Variants in BLNK observed in about 807,000 individuals in gnomAD.
The protein encoded by BLNK is B-cell linker protein.
Under a neutral mutation model 73.5 loss-of-function variants are expected in BLNK, and 29 were observed. The observed-to-expected ratio is 0.39, with a 90% CI of 0.29 to 0.54. BLNK has a LOEUF of 0.54. Ranked by LOEUF, BLNK falls within the 20% of genes least tolerant of loss-of-function variation. The pLI is 0.61. For synonymous variants in BLNK, 176 were observed against 200.8 expected (o/e 0.88, Z 1.04); for missense variants, 460 against 562.8 (o/e 0.82, Z 1.85).
intron 8 of BLNK, among the ~76,000 whole-genome samples, chr10:96,214,162 G>C (rs782542161): frequency 6.6e-6 from 1 of 152,138 alleles, no homozygotes; most frequent in African/African-American, 2.4e-5. Context: ...GTGCACACGC[G>C]CATATGTGTG....
chr10:96,208,038 A>T, intron 9 of BLNK, 139 bp from the exon 10 acceptor site: 2 of 911,796 alleles, frequency 2.2e-6, no homozygotes, highest in Non-Finnish European at 3.5e-6. Context: ...TGCAGGGTGG[A>T]GAGGGATGGA....
intron 5 of BLNK, among the ~76,000 whole-genome samples, chr10:96,226,701 C>T (rs1482789953): frequency 6.6e-6 from 1 of 152,012 alleles, no homozygotes; most frequent in Non-Finnish European, 1.5e-5. Context: ...GTTAGCCAGG[C>T]GTGGTGGTGG....
Position 96,200,216 on chromosome 10 carries a change from G to T in BLNK, c.1012-58C>A. 6.9e-7 allele frequency: 1 copy of T among 1,443,856 alleles called. No individual in the cohort carries two copies. Among genetic ancestry groups the T allele is most frequent in the Non-Finnish European group, 9.7e-7 (1 of 1,027,962 alleles). The allele number at this position is 1,443,856 out of a possible 1,614,324, so 89.4% of individuals were successfully genotyped here. ...TGGTCCCTACTTAACTCTAATTTCT[G>T]TGTACTAGAAACAAAGACCCATTTG... On this transcript the variant is annotated intron_variant, in intron 14 of 16. Transcript: ENST00000224337. This position sits in a 1 kb window ranked among gnomAD's most constrained non-coding sequence, Gnocchi z 4.3.
At chr10:96,242,873 T>C in intron 2 of BLNK, 89 bp from the exon 3 acceptor site, 1 of 1,068,320 alleles carries the variant, frequency 9.4e-7, no homozygotes, top group Non-Finnish European at 1.5e-6. Context: ...ACAGAATAGA[T>C]AGACAACTAA....
At chr10:96,246,950 A>G (rs1554907754) in intron 2 of BLNK, 34 bp downstream of exon 2, 1 of 1,456,606 alleles carries the variant, frequency 6.9e-7, no homozygotes, top group Non-Finnish European at 9.5e-7. Context: ...GACTTATTTT[A>G]TATAATTAAG....
chr10:96,197,619 A>G (rs1245921561), intron 15 of BLNK, among the ~76,000 whole-genome samples: 11 of 152,384 alleles, frequency 7.2e-5, no homozygotes, highest in African/African-American at 2.6e-4. Flanking sequence ...GTATCAAACA[A>G]ATTCCATTCA....
chr10:96,265,212 G>T (rs1256572066), intron 1 of BLNK, among the ~76,000 whole-genome samples: 2 of 151,334 alleles, frequency 1.3e-5, no homozygotes, highest in Non-Finnish European at 2.9e-5. Context: ...TTGAACTTCT[G>T]GCTCCAAACA....
chr10:96,227,294 C>T lies in BLNK; in HGVS notation c.361+116G>A, dbSNP rs373651758. ...CCTGCTTGGAGGTGGCGGGAGCGGGCGGCTGGCAGAGGCCCTCAAGCAGCA... is the reference window on the plus strand; with the variant it reads ...CCTGCTTGGAGGTGGCGGGAGCGGGTGGCTGGCAGAGGCCCTCAAGCAGCA... On this transcript the variant is annotated intron_variant, in intron 5 of 16. Coordinates refer to ENST00000224337, the MANE Select transcript of BLNK (RefSeq NM_013314.4). 108 of 1,379,534 alleles carry T rather than the reference C, an allele frequency of 7.8e-5. 1 individual carries two copies. Among genetic ancestry groups the T allele is most frequent in the African/African-American group, 2.3e-4 (16 of 70,174 alleles). 85.5% of individuals were successfully genotyped at this position (1,379,534 alleles called of 1,614,324 possible).
Position 96,189,729 on chromosome 10 carries a change from ATCATCT to A in BLNK, c.*2238_*2243del. The A allele has an allele frequency of 2.8e-6, 2 of 723,528 alleles. No individual in the cohort carries two copies. Among genetic ancestry groups the A allele is most frequent in the Non-Finnish European group, 5.1e-6 (2 of 394,826 alleles). 44.8% of individuals were successfully genotyped at this position (723,528 alleles called of 1,614,324 possible). On this transcript the variant is annotated 3_prime_UTR_variant, in exon 17 of 17. Transcript: ENST00000224337. ...CATCATCATCATCATCATCATCATC[ATCATCT>A]TCATCAGCAGCAAGTTTTACTTTTA...
At chr10:96,266,910 G>A (rs1844029904) in intron 1 of BLNK, among the ~76,000 whole-genome samples, 1 of 152,158 alleles carries the variant, frequency 6.6e-6, no homozygotes, top group African/African-American at 2.4e-5. Flanking sequence ...ACTCTTCTGG[G>A]AACTTCAGTC....
chr10:96,256,829 C>T (rs1279058009), intron 1 of BLNK, among the ~76,000 whole-genome samples: 1 of 122,310 alleles, frequency 8.2e-6, no homozygotes, highest in African/African-American at 3.2e-5. Flanking sequence ...TGCAGTGAGA[C>T]AAGATTGCAC....
intron 1 of BLNK, among the ~76,000 whole-genome samples, chr10:96,250,394 GAGAC>G (rs1184919607): frequency 2.9e-4 from 44 of 150,224 alleles, no homozygotes; most frequent in Non-Finnish European, 5.0e-4. Context: ...GAGAGATTGA[GAGAC>G]AGACAGAGAG....
chr10:96,225,264 G>A (rs1365926743), intron 5 of BLNK, among the ~76,000 whole-genome samples: 2 of 152,214 alleles, frequency 1.3e-5, no homozygotes, highest in African/African-American at 4.8e-5. Context: ...AACAGCACAG[G>A]TGCTAGCACT....
intron 1 of BLNK, among the ~76,000 whole-genome samples, chr10:96,252,018 G>A (rs1395374115): frequency 6.6e-6 from 1 of 152,086 alleles, no homozygotes; most frequent in African/African-American, 2.4e-5. Context: ...TGTCTGTGGT[G>A]CGTCAGAAAA....
intron 12 of BLNK, 111 bp downstream of exon 12, chr10:96,204,421 T>G: frequency 8.1e-7 from 1 of 1,234,044 alleles, no homozygotes. Context: ...CAATGAAATG[T>G]TGGATTTTTA....
rs782295254 is a variant in BLNK at position 96,216,636 on chromosome 10, A to C, written c.607+17T>G. The C allele has an allele frequency of 6.2e-7, 1 of 1,613,224 alleles. No individual in the cohort carries two copies. The highest frequency in any genetic ancestry group is 8.5e-7 in the Non-Finnish European group (1 of 1,179,238). On this transcript the variant is annotated intron_variant, in intron 7 of 16. Transcript: ENST00000224337. The stretch of plus-strand genomic sequence containing the variant: ...ACTGCTAAAAATTTTCAGGTGCTTA[A>C]GGCGACAAACTCTTACCTTTTTCAG...
chr10:96,241,058 A>G (rs1223108669), intron 3 of BLNK, among the ~76,000 whole-genome samples: 3 of 152,246 alleles, frequency 2.0e-5, no homozygotes, highest in African/African-American at 4.8e-5. Context: ...TGGCAGGGTG[A>G]TGCCAATAAC....
chr10:96,223,832 C>T lies in BLNK; in HGVS notation c.519G>A (p.Glu173=), dbSNP rs587660551. The T allele has an allele frequency of 3.1e-5, 50 of 1,613,762 alleles. No individual in the cohort carries two copies. In the South Asian group the frequency reaches 5.1e-4, roughly 16 times the overall value. ...QVPPKPKGLL[E]DEADYVVPVE... ...TGGCACAGATTTACTTTACCTCATC[C>T]TCAAGGAGGCCTTTGGGTTTGGGTG... Residue 173 remains glutamate (E), a synonymous_variant, in exon 6 of 17, where the codon GAG becomes GAA. Transcript: ENST00000224337.
Position 96,204,602 on chromosome 10 carries a change from C to T in BLNK, c.832G>A (p.Ala278Thr). The change falls in exon 12 of 17, where the codon GCT becomes ACT. Residue 278 changes from alanine to threonine, a missense_variant. Around this residue, in one of 3 missense-constraint regions of BLNK, gnomAD observed 233 missense variants for 232.1 expected, o/e 1.00. Coordinates refer to ENST00000224337, the MANE Select transcript of BLNK (RefSeq NM_013314.4). The part of the protein sequence containing the change: ...SSVCEEKPIP[A>T]ERHRGSSHRQ... ...TGACTTGACCCTCGGTGGCGTTCAG[C>T]AGGTATAGGTTTTTCTGGATCAGGA... 6.2e-7 allele frequency: 1 copy of T among 1,613,978 alleles called. No homozygotes were observed. The highest frequency in any genetic ancestry group is 8.5e-7 in the Non-Finnish European group (1 of 1,179,884).
Sources: gnomAD v4.1 joint callset for allele counts (sites outside exome capture counted in the v4.1 genomes callset) on GRCh38, gnomAD v4.1.1 for gene constraint, gnomAD v4.1.1 regional missense constraint, Gnocchi (gnomAD v3.1) non-coding constraint, MANE v1.5 for transcripts, NCBI Gene and HGNC (gene_info 2026-07-23, HGNC 2026-07-21) for gene names.